CAMTA1: variants seen among roughly 807,000 people sequenced by gnomAD.
CAMTA1 encodes calmodulin-binding transcription activator 1.
Under a neutral mutation model 170.9 loss-of-function variants are expected in CAMTA1, and 27 were observed. The ratio of observed to expected loss-of-function variants is 0.16; its 90% CI spans 0.12 to 0.22. The LOEUF is 0.22. Among genes scored for constraint, CAMTA1 ranks in the 10% least tolerant of loss-of-function variants. The pLI is 1.00. For missense variants in CAMTA1, 1,619 were observed against 2,217.2 expected (o/e 0.73, Z 5.42); for synonymous variants, 833 against 891.5 (o/e 0.93, Z 1.17).
intron 6 of CAMTA1, among the ~76,000 whole-genome samples, chr1:7,577,746 G>A (rs947550466): frequency 6.6e-6 from 1 of 152,186 alleles, no homozygotes; most frequent in East Asian, 1.9e-4. Context: ...CTGCTTTGTG[G>A]TCTCTGTTGA....
In CAMTA1 at chr1:7,737,998, G is replaced by A. The variant is rs749185738; in HGVS notation, c.3698G>A (p.Ser1233Asn). 6.2e-7 allele frequency: 1 copy of A among 1,613,934 alleles called. No individual in the cohort carries two copies. The highest frequency in any genetic ancestry group is 8.5e-7 in the Non-Finnish European group (1 of 1,179,934). Residue 1233 changes from serine to asparagine, a missense_variant, in exon 16 of 23, where the codon AGC becomes AAC. Around this residue, in one of 8 missense-constraint regions of CAMTA1, gnomAD observed 370 missense variants for 429.4 expected, o/e 0.86. Coordinates refer to ENST00000303635, the MANE Select transcript of CAMTA1 (RefSeq NM_015215.4). Reference sequence around the variant, plus strand: ...CGTTCTGAACCCTCTAATTACTACAGCAGTGAGAGCCACAAAGATTATCCG... The same window carrying A: ...CGTTCTGAACCCTCTAATTACTACAACAGTGAGAGCCACAAAGATTATCCG... ...RPRSEPSNYY[S>N]SESHKDYPAP...
chr1:7,153,742 C>T (rs779647640), intron 4 of CAMTA1, among the ~76,000 whole-genome samples: 65 of 152,182 alleles, frequency 4.3e-4, no homozygotes, highest in Admixed American at 3.9e-4. Context: ...ACATGAGGGC[C>T]ACTGCAAGTT....
In CAMTA1 at chr1:7,443,897, C is replaced by G. The variant is rs1027732891; in HGVS notation, c.439-23933C>G. 2.0e-5 allele frequency among the ~76,000 whole-genome samples: 3 copies of G among 152,200 alleles called. No individual in the cohort carries two copies. Among genetic ancestry groups the G allele is most frequent in the Non-Finnish European group, 4.4e-5 (3 of 68,042 alleles). ...GAGGAGGCACAGCCTCTCACCCATG[C>G]CTCTGCCTGGACACAGGACCAGGAA... On this transcript the variant is annotated intron_variant, in intron 5 of 22. Coordinates refer to ENST00000303635, the MANE Select transcript of CAMTA1 (RefSeq NM_015215.4). This position sits in a 1 kb window ranked among gnomAD's most constrained non-coding sequence, Gnocchi z 4.1.
rs2101588342 is a variant in CAMTA1 at position 7,050,244 on chromosome 1, TG to T, written c.235-41055del. On this transcript the variant is annotated intron_variant, in intron 3 of 22. Coordinates refer to ENST00000303635, the MANE Select transcript of CAMTA1 (RefSeq NM_015215.4). This position sits in a 1 kb window ranked among gnomAD's most constrained non-coding sequence, Gnocchi z 4.8. ...CTGGTCCTCCATGGTGGTGAAGGGC[TG>T]GGGGTAGGACCACAGCCTCCTTGTC... Among the ~76,000 whole-genome samples the T allele has an allele frequency of 2.0e-5, 3 of 152,216 alleles. No homozygotes were observed. In the South Asian group the frequency reaches 6.2e-4, roughly 32 times the overall value.
intron 8 of CAMTA1, among the ~76,000 whole-genome samples, chr1:7,662,719 C>T (rs778868950): frequency 1.4e-4 from 21 of 152,124 alleles, no homozygotes; most frequent in Admixed American, 1.2e-3. Context: ...GATTTTTGTA[C>T]CCCAGAGAGC....
chr1:7,615,096 A>C (rs1268607878), intron 6 of CAMTA1, among the ~76,000 whole-genome samples: 1 of 151,942 alleles, frequency 6.6e-6, no homozygotes, highest in Non-Finnish European at 1.5e-5. Flanking sequence ...GTGTTTGCTG[A>C]AGTGATTGGA....
chr1:7,125,878 C>T (rs559860690), intron 4 of CAMTA1, among the ~76,000 whole-genome samples: 16 of 152,290 alleles, frequency 1.1e-4, no homozygotes, highest in African/African-American at 3.4e-4. Context: ...AAAGCCCCAA[C>T]GCCCAGTGTG....
chr1:7,468,271 G>T (rs1179539186), intron 6 of CAMTA1, among the ~76,000 whole-genome samples: 1 of 152,238 alleles, frequency 6.6e-6, no homozygotes, highest in African/African-American at 2.4e-5. Context: ...TCTCTCATGG[G>T]TTAGTTACAA....
intron 3 of CAMTA1, among the ~76,000 whole-genome samples, chr1:6,930,771 T>C (rs916526477): frequency 2.6e-5 from 4 of 152,116 alleles, no homozygotes; most frequent in Non-Finnish European, 4.4e-5. Context: ...CACGGAAAAA[T>C]GCTCATTGGC....
chr1:6,874,095 G>A (rs1669153629), intron 3 of CAMTA1: 1 of 152,232 alleles, frequency 6.6e-6, no homozygotes, highest in Admixed American at 6.5e-5. Context: ...GATACTGTGT[G>A]TCTCCCACTT....
intron 4 of CAMTA1, among the ~76,000 whole-genome samples, chr1:7,154,953 C>T (rs749666112): frequency 4.6e-5 from 7 of 152,218 alleles, no homozygotes; most frequent in African/African-American, 9.6e-5. Context: ...GCAGCCTCTG[C>T]GTGTGCACAT....
chr1:7,374,182 G>A (rs979138818), intron 5 of CAMTA1, among the ~76,000 whole-genome samples: 4 of 152,204 alleles, frequency 2.6e-5, no homozygotes, highest in Admixed American at 6.5e-5. Context: ...CAGACAGTGC[G>A]CCTGGTCCCA....
At chr1:7,709,120 C>A (rs1156865790) in intron 11 of CAMTA1, among the ~76,000 whole-genome samples, 1 of 152,152 alleles carries the variant, frequency 6.6e-6, no homozygotes, top group Non-Finnish European at 1.5e-5. Context: ...ATGTTAAATT[C>A]TGTCTCTTTT....
chr1:7,621,363 C>T (rs1026581380), intron 6 of CAMTA1, among the ~76,000 whole-genome samples: 5 of 152,240 alleles, frequency 3.3e-5, no homozygotes, highest in African/African-American at 1.2e-4. Context: ...GCTATGTCAG[C>T]AGAATTTTCA....
intron 4 of CAMTA1, among the ~76,000 whole-genome samples, chr1:7,137,779 C>T (rs1372190564): frequency 6.6e-6 from 1 of 152,122 alleles, no homozygotes; most frequent in African/African-American, 2.4e-5. Flanking sequence ...CAAGGAGGCT[C>T]AACTCAGCCA....
intron 5 of CAMTA1, among the ~76,000 whole-genome samples, chr1:7,365,601 G>A (rs538653998): frequency 3.9e-5 from 6 of 152,286 alleles, no homozygotes; most frequent in African/African-American, 9.6e-5. Context: ...TAGAGACACC[G>A]GAGTCTCCTC....
At chr1:7,076,225 T>C (rs142307567) in intron 3 of CAMTA1, among the ~76,000 whole-genome samples, 1 of 152,352 alleles carries the variant, frequency 6.6e-6, no homozygotes, top group East Asian at 1.9e-4. Context: ...CTCGTTTTAT[T>C]GGAACCTCTT....
intron 5 of CAMTA1, among the ~76,000 whole-genome samples, chr1:7,371,836 C>A (rs568535906): frequency 1.1e-4 from 17 of 152,348 alleles, no homozygotes; most frequent in African/African-American, 3.8e-4. Flanking sequence ...TTTGTCCCCC[C>A]ACTCCAGGGA....
intron 3 of CAMTA1, among the ~76,000 whole-genome samples, chr1:7,088,181 A>G (rs535649241): frequency 6.9e-4 from 105 of 152,310 alleles, no homozygotes; most frequent in African/African-American, 2.5e-3. Context: ...GGGCCTGTGC[A>G]TCAGCTTCCT....
Sources: allele counts gnomAD v4.1 joint callset (sites outside exome capture counted in the v4.1 genomes callset), GRCh38; gene constraint gnomAD v4.1.1; regional missense constraint gnomAD v4.1.1; non-coding constraint Gnocchi (gnomAD v3.1); transcripts MANE v1.5; gene names NCBI Gene and HGNC (gene_info 2026-07-23, HGNC 2026-07-21).